Variants in CHD7 observed in about 807,000 individuals in gnomAD.
CHD7 encodes chromodomain helicase DNA binding protein 7, also known as ATP-dependent chromatin remodeler CHD7.
A neutral mutation model predicts 307.3 loss-of-function variants in CHD7; 24 were observed. The observed-to-expected ratio is 0.08, with a 90% CI of 0.06 to 0.11. CHD7 has a LOEUF of 0.11. Among genes scored for constraint, CHD7 ranks in the 10% least tolerant of loss-of-function variants. The probability of loss-of-function intolerance (pLI) is 1.00; values close to 1 mark genes in which losing one functional copy is unlikely to be tolerated. For synonymous variants in CHD7, 1,363 were observed against 1,349.9 expected, an observed-to-expected ratio of 1.01 and a Z score of -0.21; for missense variants, 3,106 against 3,727.1, an observed-to-expected ratio of 0.83 and a Z score of 4.34.
intron 9 of CHD7, 45 bp downstream of exon 9, chr8:60,820,135 C>A: frequency 7.8e-7 from 1 of 1,277,008 alleles, no homozygotes; most frequent in Non-Finnish European, 1.1e-6. Context: ...TTCAGGCAAC[C>A]CATACATGTT....
chr8:60,790,937 G>T (rs547119470), intron 3 of CHD7, among the ~76,000 whole-genome samples: 9 of 152,260 alleles, frequency 5.9e-5, no homozygotes, highest in African/African-American at 1.9e-4. Context: ...TGGTGTCCGC[G>T]CAGGGTCTTG....
At chr8:60,810,980 A>G (rs1310483288) in intron 7 of CHD7, among the ~76,000 whole-genome samples, 7 of 152,136 alleles carry the variant, frequency 4.6e-5, no homozygotes, top group African/African-American at 1.4e-4. Context: ...TCTGGTTGTG[A>G]ACTGTGCATG....
chr8:60,856,417 A>T (rs1204075403), intron 33 of CHD7, 28 bp from the exon 34 acceptor site: 2 of 1,584,824 alleles, frequency 1.3e-6, no homozygotes, highest in Non-Finnish European at 1.7e-6. Flanking sequence ...GCTCACTGCA[A>T]CTCTGTTCTG....
At chr8:60,761,043 G>A (rs1010438606) in intron 2 of CHD7, among the ~76,000 whole-genome samples, 31 of 152,118 alleles carry the variant, frequency 2.0e-4, no homozygotes, top group African/African-American at 6.7e-4. Context: ...ACATGCACAC[G>A]TATGTTTACT....
intron 3 of CHD7, among the ~76,000 whole-genome samples, 188 bp downstream of exon 3, chr8:60,781,618 T>C (rs1461998596): frequency 6.6e-6 from 1 of 152,248 alleles, no homozygotes; most frequent in Non-Finnish European, 1.5e-5. Flanking sequence ...GGACTTATTG[T>C]TGTGAACTGT....
At chr8:60,753,074 C>T (rs1269131031) in intron 2 of CHD7, among the ~76,000 whole-genome samples, 3 of 152,146 alleles carry the variant, frequency 2.0e-5, no homozygotes, top group African/African-American at 4.8e-5. Flanking sequence ...AGAGACATTT[C>T]CCTGAATGAG....
At chr8:60,706,767 A>G (rs1438211590) in intron 1 of CHD7, among the ~76,000 whole-genome samples, 2 of 152,128 alleles carry the variant, frequency 1.3e-5, no homozygotes, top group African/African-American at 4.8e-5. Context: ...TCATATATGA[A>G]AAAAGGAAGT....
At chr8:60,691,358 A>C (rs941892820) in intron 1 of CHD7, among the ~76,000 whole-genome samples, 3 of 152,132 alleles carry the variant, frequency 2.0e-5, no homozygotes, top group African/African-American at 7.2e-5. Flanking sequence ...GACTTGTTTC[A>C]CCTAATACTA....
intron 21 of CHD7, 36 bp from the exon 22 acceptor site, chr8:60,844,828 A>G: frequency 6.6e-7 from 1 of 1,514,154 alleles, no homozygotes. Context: ...ATCAAAACTC[A>G]CAGGCACCTC....
chr8:60,808,599 T>C (rs911571080), intron 7 of CHD7: 5 of 302,428 alleles, frequency 1.7e-5, no homozygotes, highest in African/African-American at 2.3e-5. Flanking sequence ...CCTGTGGGGC[T>C]ACACTTCGTC....
intron 19 of CHD7, among the ~76,000 whole-genome samples, chr8:60,838,870 G>T (rs1399382459): frequency 6.6e-6 from 1 of 152,120 alleles, no homozygotes; most frequent in Non-Finnish European, 1.5e-5. Context: ...CCTGCATTTT[G>T]TTCTAGCCAT....
At chr8:60,811,567 G>A (rs1251195549) in intron 7 of CHD7, among the ~76,000 whole-genome samples, 1 of 152,042 alleles carries the variant, frequency 6.6e-6, no homozygotes, top group Non-Finnish European at 1.5e-5. Context: ...CATTCAACCA[G>A]CCTCCTGTGT....
chr8:60,694,684 G>A (rs1381127370), intron 1 of CHD7, among the ~76,000 whole-genome samples: 2 of 152,130 alleles, frequency 1.3e-5, no homozygotes, highest in Middle Eastern at 3.2e-3. Context: ...AGGAGCTATG[G>A]CCCCCAGGGA....
At chr8:60,740,675 G>A (rs531046190) in intron 1 of CHD7, among the ~76,000 whole-genome samples, 94 of 152,364 alleles carry the variant, frequency 6.2e-4, no homozygotes, top group Non-Finnish European at 9.8e-4. Flanking sequence ...AGATGCCTCT[G>A]TTGCAGTTAC....
Position 60,752,495 on chromosome 8 carries a change from A to G in CHD7, c.1665+9398A>G, listed in dbSNP as rs1477638033. 2.6e-5 allele frequency among the ~76,000 whole-genome samples: 4 copies of G among 152,148 alleles called. No homozygotes were observed. The East Asian group carries it at 7.7e-4, about 29-fold the overall frequency. ...CGGCTGCTCAGTTTAGGCAGTTGGGAGGTTGCAGGGTGCATATCCTTTCTT... is the reference window on the plus strand; with the variant it reads ...CGGCTGCTCAGTTTAGGCAGTTGGGGGGTTGCAGGGTGCATATCCTTTCTT... On this transcript the variant is annotated intron_variant, in intron 2 of 37. Transcript: ENST00000423902.
chr8:60,764,323 G>C (rs900030065), intron 2 of CHD7, among the ~76,000 whole-genome samples: 1 of 152,102 alleles, frequency 6.6e-6, no homozygotes, highest in Non-Finnish European at 1.5e-5. Context: ...GAGCCATTCA[G>C]ATTTTAAAGT....
intron 23 of CHD7, 62 bp from the exon 24 acceptor site, chr8:60,848,453 G>C (rs775549540): frequency 6.0e-6 from 7 of 1,175,436 alleles, no homozygotes; most frequent in Non-Finnish European, 8.7e-6. Context: ...GCTGCCAAAA[G>C]CCACTGTTGG....
At chr8:60,726,859 C>T (rs1808186534) in intron 1 of CHD7, among the ~76,000 whole-genome samples, 1 of 152,162 alleles carries the variant, frequency 6.6e-6, no homozygotes, top group Non-Finnish European at 1.5e-5. Context: ...ACCCACCTTC[C>T]TGTGTGTCCC....
intron 2 of CHD7, among the ~76,000 whole-genome samples, chr8:60,747,035 T>C (rs2150588424): frequency 6.6e-6 from 1 of 152,286 alleles, no homozygotes; most frequent in Non-Finnish European, 1.5e-5. Flanking sequence ...ATATTTACTG[T>C]CTCAGAAAGT....
Sources: gnomAD v4.1 joint callset for allele counts (sites outside exome capture counted in the v4.1 genomes callset) on GRCh38, gnomAD v4.1.1 for gene constraint, MANE v1.5 for transcripts, NCBI Gene and HGNC (gene_info 2026-07-23, HGNC 2026-07-21) for gene names.